The following FHIT variants were observed in gnomAD, a reference collection of about 807,000 sequenced individuals.
The protein encoded by FHIT is bis(5'-adenosyl)-triphosphatase.
In FHIT, 19 loss-of-function variants were observed where a neutral mutation model predicts 17.9. That is an observed-to-expected ratio of 1.06 (90% CI 0.74 to 1.56). The LOEUF (loss-of-function observed/expected upper bound fraction) is 1.56, where lower values mean the gene tolerates loss of function less well. Among genes scored for constraint, FHIT ranks in the 40% most tolerant of loss-of-function variants. FHIT has a pLI of 0.00. For missense variants in FHIT, 248 were observed against 189.2 expected, an observed-to-expected ratio of 1.31 and a Z score of -1.82; for synonymous variants, 81 against 69.7, an observed-to-expected ratio of 1.16 and a Z score of -0.81.
intron 5 of FHIT, among the ~76,000 whole-genome samples, chr3:60,450,493 TA>T (rs112069014): frequency 5.6e-4 from 85 of 152,180 alleles, no homozygotes; most frequent in African/African-American, 2.0e-3. Flanking sequence ...CAGAAAAGAA[TA>T]AACAGAAAAA....
chr3:60,489,041 G>A (rs73100284), intron 5 of FHIT, among the ~76,000 whole-genome samples: 1 of 152,000 alleles, frequency 6.6e-6, no homozygotes, highest in African/African-American at 2.4e-5. Context: ...CAATGAGTTG[G>A]GATTTCCAAG....
chr3:61,238,052 G>A (rs2040276328), intron 1 of FHIT, among the ~76,000 whole-genome samples: 1 of 152,148 alleles, frequency 6.6e-6, no homozygotes, highest in African/African-American at 2.4e-5. Flanking sequence ...CATAGGCCAT[G>A]CATTGTTCTA....
At chr3:60,386,894 C>A (rs540819740) in intron 5 of FHIT, among the ~76,000 whole-genome samples, 1 of 152,244 alleles carries the variant, frequency 6.6e-6, no homozygotes, top group African/African-American at 2.4e-5. Context: ...AGTGGACAAG[C>A]AACTGGTGGT....
rs137927147 is a variant in FHIT at position 61,045,802 on chromosome 3, G to C, written c.-163-3703C>G. Among the ~76,000 whole-genome samples the C allele has an allele frequency of 5.3e-3, 809 of 152,290 alleles. 7 individuals carry two copies. Among genetic ancestry groups the C allele is most frequent in the African/African-American group, 0.019 (776 of 41,554 alleles). ...ATAACAAACTGTCTCTCAGACCACA[G>C]TGCAAGCAAACTAGAAATCATAATC... On this transcript the variant is annotated intron_variant, in intron 2 of 9. Transcript: ENST00000492590.
At chr3:61,080,915 G>T (rs1206081196) in intron 2 of FHIT, among the ~76,000 whole-genome samples, 4 of 152,066 alleles carry the variant, frequency 2.6e-5, no homozygotes, top group African/African-American at 9.7e-5. Flanking sequence ...GAGAAGGTCA[G>T]CTTGTCAAAG....
At chr3:60,998,516 T>A (rs546120581) in intron 3 of FHIT, among the ~76,000 whole-genome samples, 1 of 152,170 alleles carries the variant, frequency 6.6e-6, no homozygotes, top group Admixed American at 6.5e-5. Context: ...AAGTCTACTT[T>A]TATTAATCCC....
chr3:59,951,757 T>G (rs1401113617), intron 7 of FHIT, among the ~76,000 whole-genome samples: 1 of 152,156 alleles, frequency 6.6e-6, no homozygotes, highest in Non-Finnish European at 1.5e-5. Context: ...GGAAAGCCTC[T>G]TCATTGAGAT....
rs1423493577 is a variant in FHIT, at chr3:60,798,004, A to T, written c.-18+23915T>A. ...TTGTATACATTTTAAATACAAATGCAGTTTAATTTCTAATTATTTAGATCA... is the reference window on the plus strand; with the variant it reads ...TTGTATACATTTTAAATACAAATGCTGTTTAATTTCTAATTATTTAGATCA... On this transcript the variant is annotated intron_variant, in intron 4 of 9. Coordinates refer to ENST00000492590, the MANE Select transcript of FHIT (RefSeq NM_002012.4). Among the ~76,000 whole-genome samples, 5 of 152,204 alleles carry T rather than the reference A, an allele frequency of 3.3e-5. No individual in the cohort carries two copies. The East Asian group carries it at 5.8e-4, about 18-fold the overall frequency.
At position 59,944,809 on chromosome 3, in the gene FHIT, A is replaced by G. The variant is rs373750206; in HGVS notation, c.280-22395T>C. 5.6e-4 allele frequency among the ~76,000 whole-genome samples: 85 copies of G among 152,302 alleles called. 1 individual carries two copies. The South Asian group carries it at 0.017, about 31-fold the overall frequency. On this transcript the variant is annotated intron_variant, in intron 7 of 9. Transcript: ENST00000492590. The stretch of plus-strand genomic sequence containing the variant: ...TTTCTGTTCCTATGTTAATTTGCTT[A>G]GGATACTAGCCTTCAGCTCCATAAA...
intron 7 of FHIT, among the ~76,000 whole-genome samples, chr3:59,962,932 A>G (rs1437020310): frequency 6.6e-6 from 1 of 152,206 alleles, no homozygotes; most frequent in Non-Finnish European, 1.5e-5. Flanking sequence ...CCAATATTTT[A>G]TTTCTAATAA....
chr3:60,237,504 G>GAT (rs1294617795), intron 5 of FHIT, among the ~76,000 whole-genome samples: 1 of 152,126 alleles, frequency 6.6e-6, no homozygotes, highest in Non-Finnish European at 1.5e-5. Flanking sequence ...CAGGGACCTT[G>GAT]ATGAGTGTCT....
chr3:60,207,751 T>C (rs1703268432), intron 5 of FHIT, among the ~76,000 whole-genome samples: 1 of 152,198 alleles, frequency 6.6e-6, no homozygotes, highest in Non-Finnish European at 1.5e-5. Flanking sequence ...TGATATGTTT[T>C]AGGGCATTGT....
intron 2 of FHIT, among the ~76,000 whole-genome samples, chr3:61,179,397 A>G (rs1338749390): frequency 6.6e-6 from 1 of 151,970 alleles, no homozygotes; most frequent in Non-Finnish European, 1.5e-5. Flanking sequence ...AGAAGCCCAT[A>G]CCGTATGATT....
intron 3 of FHIT, among the ~76,000 whole-genome samples, chr3:60,839,723 C>A (rs1482512793): frequency 6.6e-6 from 1 of 152,134 alleles, no homozygotes; most frequent in African/African-American, 2.4e-5. Flanking sequence ...TATGCTGACC[C>A]TCTGCCCAGC....
At chr3:60,235,128 C>T (rs1241147813) in intron 5 of FHIT, among the ~76,000 whole-genome samples, 4 of 152,072 alleles carry the variant, frequency 2.6e-5, no homozygotes, top group Admixed American at 6.6e-5. Context: ...CTTCCTCTCC[C>T]CAAAAACAAC....
In FHIT at chr3:60,275,991, A is replaced by ATTT. The variant is rs11457779; in HGVS notation, c.103+260866_103+260868dup. 1.7e-3 allele frequency among the ~76,000 whole-genome samples: 252 copies of ATTT among 147,860 alleles called. 1 individual carries two copies. The highest frequency in any genetic ancestry group is 3.5e-3 in the Middle Eastern group (1 of 282). On this transcript the variant is annotated intron_variant, in intron 5 of 9. Transcript: ENST00000492590. ...GTAGTTTTGAGAATTTGTTTTTGCA[A>ATTT]TTTTTTTTTTTTTTGAGATGGAGTC...
intron 4 of FHIT, among the ~76,000 whole-genome samples, chr3:60,722,594 G>A (rs1007988342): frequency 2.0e-5 from 3 of 151,464 alleles, no homozygotes; most frequent in African/African-American, 7.3e-5. Context: ...TCTCCACCTT[G>A]TAGATGCTAG....
chr3:60,646,805 G>C (rs897338508), intron 4 of FHIT, among the ~76,000 whole-genome samples: 20 of 152,154 alleles, frequency 1.3e-4, no homozygotes, highest in African/African-American at 4.6e-4. Flanking sequence ...TTATTTCACT[G>C]TCTTCACCTG....
chr3:60,063,634 T>C (rs1702382639), intron 5 of FHIT, among the ~76,000 whole-genome samples: 2 of 152,164 alleles, frequency 1.3e-5, no homozygotes, highest in Admixed American at 6.5e-5. Context: ...TGTCTGGTTG[T>C]TGAGAGAGAA....
Sources: gnomAD v4.1 joint callset for allele counts (sites outside exome capture counted in the v4.1 genomes callset) on GRCh38, gnomAD v4.1.1 for gene constraint, MANE v1.5 for transcripts, NCBI Gene and HGNC (gene_info 2026-07-23, HGNC 2026-07-21) for gene names.